Variants in ANXA4 observed in about 807,000 individuals in gnomAD.
ANXA4 encodes the protein annexin A4, also known as 35-beta calcimedin.
ANXA4 carries 39 observed loss-of-function variants against 49.8 expected under a neutral mutation model. The observed-to-expected ratio is 0.78, with a 90% CI of 0.61 to 1.02. ANXA4 has a LOEUF of 1.02. Ranked by LOEUF, ANXA4 falls within the 50% of genes least tolerant of loss-of-function variation. The pLI, the probability that ANXA4 is intolerant of heterozygous loss-of-function variation, is 0.00. For synonymous variants in ANXA4, 134 were observed against 152.5 expected (o/e 0.88, Z 0.89); for missense variants, 360 against 410.1 (o/e 0.88, Z 1.05).
At chr2:69,736,433 T>G (rs1356095599) in intron 3 of ANXA4, among the ~76,000 whole-genome samples, 2 of 152,186 alleles carry the variant, frequency 1.3e-5, no homozygotes, top group African/African-American at 4.8e-5. Context: ...ATCATATATT[T>G]AAAGCACCTA....
intron 11 of ANXA4, among the ~76,000 whole-genome samples, chr2:69,819,900 C>G (rs1479571198): frequency 2.0e-5 from 3 of 151,824 alleles, no homozygotes; most frequent in Admixed American, 2.0e-4. Flanking sequence ...AAATCCCCGT[C>G]TCTACAAAAA....
At chr2:69,718,077 T>C (rs1669697158) in intron 2 of ANXA4, among the ~76,000 whole-genome samples, 1 of 152,198 alleles carries the variant, frequency 6.6e-6, no homozygotes, top group African/African-American at 2.4e-5. Context: ...GTCCCCTGGC[T>C]ACTTGGCTTC....
chr2:69,706,347 C>A (rs571724242), intron 2 of ANXA4, among the ~76,000 whole-genome samples: 121 of 117,850 alleles, frequency 1.0e-3, no homozygotes, highest in Non-Finnish European at 1.5e-3. Context: ...GTCACCCAGG[C>A]TGGGGTACAG....
In ANXA4 at chr2:69,660,802, A is replaced by G. The variant is rs1453306646; in HGVS notation, n.766+7520A>G. On this transcript the variant is annotated intron_variant and non_coding_transcript_variant, in intron 2 of 3. Transcript: ENST00000418066. ...AGAGAGAGAGAGAGAGAGAGAGAAT[A>G]TGAGTGAAAAGTTGAGATATGGAAG... Among the ~76,000 whole-genome samples the G allele has an allele frequency of 3.3e-5, 5 of 151,590 alleles. No homozygotes were observed. In the East Asian group the frequency reaches 9.7e-4, roughly 30 times the overall value.
intron 9 of ANXA4, chr2:69,817,814 G>T (rs1433683946): frequency 1.3e-5 from 2 of 152,210 alleles, no homozygotes; most frequent in South Asian, 2.1e-4. Context: ...TTCTCTGAGG[G>T]TAAAGATGAT....
intron 8 of ANXA4, among the ~76,000 whole-genome samples, chr2:69,814,342 CTTTTTTTTTTT>C (rs781253870): frequency 4.1e-5 from 4 of 97,312 alleles, no homozygotes; most frequent in Admixed American, 1.4e-4. Flanking sequence ...GTATTTTATT[CTTTTTTTTTTT>C]TTTTTTTTTT....
intron 1 of ANXA4, among the ~76,000 whole-genome samples, chr2:69,772,282 G>T (rs548030149): frequency 1.3e-5 from 2 of 152,352 alleles, no homozygotes; most frequent in Admixed American, 6.5e-5. Flanking sequence ...TTGTGGACTT[G>T]GTCACAATGT....
chr2:69,649,470 T>TA (rs1390165288), intron 1 of ANXA4, among the ~76,000 whole-genome samples: 2 of 151,588 alleles, frequency 1.3e-5, no homozygotes, highest in East Asian at 3.8e-4. Flanking sequence ...GTATATTCTC[T>TA]AAAAATATTC....
intron 1 of ANXA4, among the ~76,000 whole-genome samples, chr2:69,773,789 G>A (rs572074611): frequency 7.3e-5 from 11 of 150,588 alleles, no homozygotes; most frequent in African/African-American, 2.2e-4. Context: ...GCACCACCAC[G>A]CCTGGCTAAT....
At chr2:69,661,852 A>C (rs1364170354) in intron 2 of ANXA4, among the ~76,000 whole-genome samples, 1 of 152,190 alleles carries the variant, frequency 6.6e-6, no homozygotes, top group Non-Finnish European at 1.5e-5. Flanking sequence ...CAGCATCCCC[A>C]ATACTGCACA....
chr2:69,691,121 C>CT (rs796506961), intron 2 of ANXA4, among the ~76,000 whole-genome samples: 425 of 145,066 alleles, frequency 2.9e-3, no homozygotes, highest in African/African-American at 6.4e-3. Context: ...CTGGTACAGT[C>CT]TTTTTTTTTT....
chr2:69,744,613 G>T (rs1670539243), intron 1 of ANXA4, among the ~76,000 whole-genome samples: 1 of 152,138 alleles, frequency 6.6e-6, no homozygotes, highest in Non-Finnish European at 1.5e-5. Flanking sequence ...GCAACTTTGA[G>T]TAACACTCAT....
intron 10 of ANXA4, among the ~76,000 whole-genome samples, chr2:69,818,991 G>C (rs1674118851): frequency 6.6e-6 from 1 of 152,202 alleles, no homozygotes; most frequent in Non-Finnish European, 1.5e-5. Flanking sequence ...ACTAGTAACT[G>C]TCTCATATGG....
At chr2:69,706,546 C>T (rs1377211725) in intron 2 of ANXA4, among the ~76,000 whole-genome samples, 2 of 152,002 alleles carry the variant, frequency 1.3e-5, no homozygotes, top group African/African-American at 2.4e-5. Context: ...AGGTGATCCA[C>T]CTGCCTCAGC....
intron 3 of ANXA4, among the ~76,000 whole-genome samples, chr2:69,796,143 C>T (rs956762321): frequency 1.3e-5 from 2 of 152,222 alleles, no homozygotes; most frequent in Non-Finnish European, 2.9e-5. Context: ...CCTCCATATC[C>T]AGGGGCAGTT....
At chr2:69,745,779 C>T (rs1286149567) in intron 1 of ANXA4, among the ~76,000 whole-genome samples, 1 of 152,140 alleles carries the variant, frequency 6.6e-6, no homozygotes, top group African/African-American at 2.4e-5. Context: ...GATCCGCTTG[C>T]ATCAGCCTCC....
At chr2:69,735,553 C>T (rs1670222095) in intron 3 of ANXA4, among the ~76,000 whole-genome samples, 1 of 151,850 alleles carries the variant, frequency 6.6e-6, no homozygotes, top group Non-Finnish European at 1.5e-5. Context: ...GTGCAGTAAG[C>T]AGTATGAGCT....
chr2:69,676,762 G>A (rs1462856562), intron 2 of ANXA4, among the ~76,000 whole-genome samples: 4 of 152,030 alleles, frequency 2.6e-5, no homozygotes, highest in East Asian at 3.9e-4. Flanking sequence ...GCGTGGTGGC[G>A]CATGCCTGTA....
chr2:69,817,917 T>C (rs1347769463), intron 9 of ANXA4: 1 of 152,198 alleles, frequency 6.6e-6, no homozygotes, highest in Non-Finnish European at 1.5e-5. Context: ...GCTCACGTGT[T>C]TGACAGAGGT....
Sources: allele counts gnomAD v4.1 joint callset (sites outside exome capture counted in the v4.1 genomes callset), GRCh38; gene constraint gnomAD v4.1.1; transcripts MANE v1.5; gene names NCBI Gene and HGNC (gene_info 2026-07-23, HGNC 2026-07-21).